Variants in TECRL observed in about 807,000 individuals in gnomAD.
TECRL encodes trans-2,3-enoyl-CoA reductase like, also known as trans-2,3-enoyl-CoA reductase-like.
Under a neutral mutation model 52.8 loss-of-function variants are expected in TECRL, and 63 were observed. That is an observed-to-expected ratio of 1.19 (90% CI 0.97 to 1.47). The LOEUF is 1.47. Ranked by LOEUF, TECRL falls within the 40% of genes most tolerant of loss-of-function variation. The probability of loss-of-function intolerance (pLI) is 0.00; values close to 1 mark genes in which losing one functional copy is unlikely to be tolerated. For synonymous variants in TECRL, 164 were observed against 141.9 expected (o/e 1.16, Z -1.10); for missense variants, 482 against 429.6 (o/e 1.12, Z -1.08).
Position 64,375,232 on chromosome 4 carries a change from G to T in TECRL, c.235-9C>A. ...GTAGATGATTGTGTCACCTGAAAAG[G>T]AAAAGAAAATAGAGTTATTTTTAAA... On this transcript the variant is annotated splice_polypyrimidine_tract_variant and intron_variant, in intron 1 of 11. Transcript: ENST00000381210. 2 of 1,359,652 alleles carry T rather than the reference G, an allele frequency of 1.5e-6. No homozygotes were observed. Among genetic ancestry groups the T allele is most frequent in the South Asian group, 3.5e-5 (2 of 57,290 alleles). The allele number at this position is 1,359,652 out of a possible 1,614,324, so 84.2% of individuals were successfully genotyped here. A position where few individuals can be genotyped will look rare whatever the true frequency, so the allele number is the denominator to read the frequency against.
chr4:64,386,063 T>C (rs1288770900), intron 1 of TECRL, among the ~76,000 whole-genome samples: 1 of 152,142 alleles, frequency 6.6e-6, no homozygotes, highest in African/African-American at 2.4e-5. Context: ...GAAGCAAATG[T>C]CAGGTGCCTC....
chr4:64,308,768 T>A (rs1724497949), intron 6 of TECRL, among the ~76,000 whole-genome samples: 1 of 152,194 alleles, frequency 6.6e-6, no homozygotes, highest in Admixed American at 6.5e-5. Context: ...TATTTTGATA[T>A]CACTAAGAAA....
At chr4:64,291,148 T>G (rs1029389930) in intron 8 of TECRL, among the ~76,000 whole-genome samples, 2 of 152,110 alleles carry the variant, frequency 1.3e-5, no homozygotes, top group Non-Finnish European at 2.9e-5. Flanking sequence ...ATTTCATTTC[T>G]TCACCTAAAT....
At chr4:64,342,419 T>C (rs1719645183) in intron 2 of TECRL, among the ~76,000 whole-genome samples, 1 of 98,130 alleles carries the variant, frequency 1.0e-5, no homozygotes, top group Non-Finnish European at 2.1e-5. Context: ...TTGGTAGTAG[T>C]TTTATATATA....
chr4:64,292,553 A>C (rs962566530), intron 8 of TECRL, among the ~76,000 whole-genome samples: 3 of 152,040 alleles, frequency 2.0e-5, no homozygotes, highest in Non-Finnish European at 4.4e-5. Context: ...CTACATTATT[A>C]TAGTATAACA....
intron 1 of TECRL, among the ~76,000 whole-genome samples, chr4:64,393,243 T>C (rs1723673898): frequency 6.6e-6 from 1 of 151,956 alleles, no homozygotes; most frequent in South Asian, 2.1e-4. Flanking sequence ...CTGAAATCTT[T>C]GGCAAAAAAG....
At chr4:64,322,510 T>C (rs1223418216) in intron 4 of TECRL, among the ~76,000 whole-genome samples, 179 bp downstream of exon 4, 1 of 151,890 alleles carries the variant, frequency 6.6e-6, no homozygotes, top group Non-Finnish European at 1.5e-5. Flanking sequence ...CTGTGGTTTT[T>C]CTATTGCTCC....
Position 64,333,948 on chromosome 4 carries a change from C to T in TECRL, c.287-5392G>A, listed in dbSNP as rs1261034597. Reference sequence around the variant, plus strand: ...CTGAGGCAGGAGAATGGCGTGAACCCGGGAGGCGGAGCTTGCAGTGAGCCG... The same window carrying T: ...CTGAGGCAGGAGAATGGCGTGAACCTGGGAGGCGGAGCTTGCAGTGAGCCG... On this transcript the variant is annotated intron_variant, in intron 2 of 11. Coordinates refer to ENST00000381210, the MANE Select transcript of TECRL (RefSeq NM_001010874.5). Among the ~76,000 whole-genome samples, 3 of 118,408 alleles carry T rather than the reference C, an allele frequency of 2.5e-5. No individual in the cohort carries two copies. The East Asian group carries it at 7.0e-4, about 28-fold the overall frequency. 77.7% of individuals were successfully genotyped at this position (118,408 alleles called of 152,430 possible).
At chr4:64,310,050 G>T in intron 5 of TECRL, 119 bp from the exon 6 acceptor site, 2 of 559,808 alleles carry the variant, frequency 3.6e-6, no homozygotes, top group South Asian at 2.7e-5. Context: ...CATTGTTTCT[G>T]GTAGCTAAAA....
chr4:64,303,702 C>A (rs1306961564), intron 7 of TECRL, among the ~76,000 whole-genome samples: 1 of 151,752 alleles, frequency 6.6e-6, no homozygotes, highest in African/African-American at 2.4e-5. Context: ...TTAATTTATG[C>A]TTTCTCTATT....
At chr4:64,383,454 T>C (rs545837999) in intron 1 of TECRL, among the ~76,000 whole-genome samples, 11 of 152,146 alleles carry the variant, frequency 7.2e-5, no homozygotes, top group African/African-American at 9.6e-5. Context: ...TTCTTCTTTA[T>C]TCTTTTCTTT....
At chr4:64,359,517 A>T (rs892538177) in intron 2 of TECRL, among the ~76,000 whole-genome samples, 22 of 3,104 alleles carry the variant, frequency 7.1e-3, no homozygotes, top group South Asian at 0.2. Flanking sequence ...ATGATTATTA[A>T]AAAAAAAAGT....
At chr4:64,300,653 C>A (rs1339318136) in intron 7 of TECRL, among the ~76,000 whole-genome samples, 1 of 150,918 alleles carries the variant, frequency 6.6e-6, no homozygotes, top group Admixed American at 6.6e-5. Flanking sequence ...AACCTATCAT[C>A]ATATTTATTA....
chr4:64,343,933 A>T (rs114613578), intron 2 of TECRL, among the ~76,000 whole-genome samples: 3,675 of 152,028 alleles, frequency 0.024, 147 homozygotes, highest in African/African-American at 0.084. Flanking sequence ...AAAGCTTTTT[A>T]AAAAAATACC....
chr4:64,366,192 T>C (rs1407508835), intron 2 of TECRL, among the ~76,000 whole-genome samples: 2 of 152,102 alleles, frequency 1.3e-5, no homozygotes, highest in Non-Finnish European at 2.9e-5. Flanking sequence ...ATGCAGAAGA[T>C]TGAAACTGGG....
At chr4:64,374,351 T>G (rs1203913845) in intron 2 of TECRL, among the ~76,000 whole-genome samples, 1 of 151,534 alleles carries the variant, frequency 6.6e-6, no homozygotes, top group Non-Finnish European at 1.5e-5. Context: ...TTTTTTTTCT[T>G]TATGGGAAGG....
At chr4:64,343,323 C>T (rs1413492744) in intron 2 of TECRL, among the ~76,000 whole-genome samples, 1 of 151,868 alleles carries the variant, frequency 6.6e-6, no homozygotes, top group Non-Finnish European at 1.5e-5. Context: ...AAAATGATAC[C>T]GTGCTCAAAG....
At chr4:64,336,466 A>G (rs1028243703) in intron 2 of TECRL, among the ~76,000 whole-genome samples, 1 of 152,054 alleles carries the variant, frequency 6.6e-6, no homozygotes, top group Non-Finnish European at 1.5e-5. Flanking sequence ...CAGCTCCTGG[A>G]TACATTGATT....
intron 2 of TECRL, among the ~76,000 whole-genome samples, chr4:64,330,069 G>A (rs908393807): frequency 1.3e-5 from 2 of 151,698 alleles, no homozygotes; most frequent in Admixed American, 6.6e-5. Context: ...GAAAAAATCA[G>A]AGAAACATCT....
Sources: allele counts gnomAD v4.1 joint callset (sites outside exome capture counted in the v4.1 genomes callset), GRCh38; gene constraint gnomAD v4.1.1; transcripts MANE v1.5; gene names NCBI Gene and HGNC (gene_info 2026-07-23, HGNC 2026-07-21).